Variants in FRAS1 observed in about 807,000 individuals in gnomAD.
The protein encoded by FRAS1 is extracellular matrix organizing protein FRAS1.
Under a neutral mutation model 435.2 loss-of-function variants are expected in FRAS1, and 290 were observed. That is an observed-to-expected ratio of 0.67 (90% CI 0.61 to 0.73). The LOEUF (loss-of-function observed/expected upper bound fraction) is 0.73. FRAS1 is among the 30% of genes least tolerant of loss of function. The pLI, the probability that FRAS1 is intolerant of heterozygous loss-of-function variation, is 0.00. For missense variants in FRAS1, 4,860 were observed against 5,001.5 expected, an observed-to-expected ratio of 0.97 and a Z score of 0.85; for synonymous variants, 1,800 against 1,851.0, an observed-to-expected ratio of 0.97 and a Z score of 0.71.
intron 27 of FRAS1, among the ~76,000 whole-genome samples, chr4:78,381,035 A>T (rs1731993446): frequency 6.6e-6 from 1 of 152,120 alleles, no homozygotes. Context: ...AGGCCTTGAG[A>T]GTATAGGTTA....
In FRAS1 at chr4:78,481,812, A is replaced by G. The variant is rs765588567; in HGVS notation, c.8452A>G (p.Lys2818Glu). The G allele has an allele frequency of 5.6e-6, 9 of 1,613,872 alleles. 1 individual carries two copies. In the Middle Eastern group the frequency reaches 8.3e-4, roughly 148 times the overall value. Residue 2818 changes from lysine to glutamate, a missense_variant, in exon 57 of 74, where the codon AAG (lysine) becomes GAG (glutamate). Coordinates refer to ENST00000512123, the MANE Select transcript of FRAS1 (RefSeq NM_025074.7). ...FTVSEDAGTV[K>E]IPVIRHGTDL... ...TATGAATCTTAATTCAGGCACAGTA[A>G]AGATTCCAGTTATCCGCCATGGTAC...
intron 2 of FRAS1, among the ~76,000 whole-genome samples, chr4:78,073,118 T>C (rs944997027): frequency 3.3e-5 from 5 of 152,162 alleles, no homozygotes; most frequent in South Asian, 2.1e-4. Flanking sequence ...GTAGTGAGAA[T>C]TGGGCTCTAG....
At chr4:78,380,670 T>C (rs1731979176) in intron 27 of FRAS1, among the ~76,000 whole-genome samples, 1 of 152,242 alleles carries the variant, frequency 6.6e-6, no homozygotes, top group South Asian at 2.1e-4. Flanking sequence ...TCTTGGATTA[T>C]CCTTCATCCT....
At chr4:78,114,119 G>T (rs566941108) in intron 2 of FRAS1, among the ~76,000 whole-genome samples, 1 of 152,248 alleles carries the variant, frequency 6.6e-6, no homozygotes, top group Non-Finnish European at 1.5e-5. Context: ...TCTCAGGTTT[G>T]TCAAAGATCA....
chr4:78,286,212 C>G, intron 13 of FRAS1, 193 bp from the exon 14 acceptor site: 1 of 708,426 alleles, frequency 1.4e-6, no homozygotes, highest in Non-Finnish European at 2.6e-6. Context: ...AATTCATATA[C>G]GTAAAGCACT....
In FRAS1 at chr4:78,508,775, G is replaced by A. The variant is rs756169582; in HGVS notation, c.9549G>A (p.Lys3183=). ...ADYDHVEEVT[K]EGVKKSPSPG... Reference sequence around the variant, plus strand: ...ATGACCATGTGGAAGAAGTTACCAAGGAAGGAGTCAAGAAATCCCCCTCCC... The same window carrying A: ...ATGACCATGTGGAAGAAGTTACCAAAGAAGGAGTCAAGAAATCCCCCTCCC... Residue 3183 remains lysine, a synonymous_variant, in exon 63 of 74, where the codon AAG becomes AAA. Transcript: ENST00000512123. 3.7e-6 allele frequency: 6 copies of A among 1,613,758 alleles called. No homozygotes were observed. The highest frequency in any genetic ancestry group is 5.1e-6 in the Non-Finnish European group (6 of 1,179,814).
At chr4:78,387,790 G>T in intron 29 of FRAS1, 89 bp downstream of exon 29, 1 of 863,590 alleles carries the variant, frequency 1.2e-6, no homozygotes. Context: ...ACAAAGTTAA[G>T]ATATGGGTAG....
intron 31 of FRAS1, among the ~76,000 whole-genome samples, chr4:78,408,315 C>G (rs1733185389): frequency 6.6e-6 from 1 of 152,046 alleles, no homozygotes; most frequent in African/African-American, 2.4e-5. Context: ...GATTCCATAT[C>G]AGTGGAATTC....
At chr4:78,114,273 G>A (rs1352190706) in intron 2 of FRAS1, among the ~76,000 whole-genome samples, 2 of 152,240 alleles carry the variant, frequency 1.3e-5, no homozygotes, top group Middle Eastern at 3.4e-3. Flanking sequence ...GATGCCTCCA[G>A]CTTTGTTCTT....
chr4:78,059,250 C>T (rs1247096826), intron 1 of FRAS1, among the ~76,000 whole-genome samples: 1 of 152,108 alleles, frequency 6.6e-6, no homozygotes, highest in Admixed American at 6.5e-5. Flanking sequence ...AGCTCTGCCT[C>T]GGGTCGACCT....
At position 78,471,232 on chromosome 4, in the gene FRAS1, A is replaced by G. The variant is rs147036579; in HGVS notation, c.7372-948A>G. On this transcript the variant is annotated intron_variant, in intron 51 of 73. Transcript: ENST00000512123. ...CATCCCCACCCAAACATAGTTCTTC[A>G]GTTGAGAACTGGTTTCTTGCATTTG... Among the ~76,000 whole-genome samples, 1,060 of 152,310 alleles carry G rather than the reference A, an allele frequency of 7.0e-3. 5 individuals are homozygous for G. The highest frequency in any genetic ancestry group is 0.011 in the Non-Finnish European group (734 of 68,034).
At chr4:78,452,073 G>C in intron 46 of FRAS1, 102 bp from the exon 47 acceptor site, 1 of 1,330,844 alleles carries the variant, frequency 7.5e-7, no homozygotes, top group Non-Finnish European at 1.1e-6. Flanking sequence ...TAACACACAG[G>C]CCTAGAGATG....
Position 78,479,515 on chromosome 4 carries a change from G to A in FRAS1, c.8240G>A (p.Gly2747Asp). 1 of 1,613,866 alleles carries A rather than the reference G, an allele frequency of 6.2e-7. No homozygotes were observed. Among genetic ancestry groups the A allele is most frequent in the East Asian group, 2.2e-5 (1 of 44,868 alleles). ...SAASRVIFGP[G>D]VTMSTCDVML... ...GCGAGTCGTGTGATATTCGGGCCTG[G>A]TGTGACCATGTCCACCTGTGATGTC... The change falls in exon 56 of 74, where the codon GGT (glycine) becomes GAT (aspartate). Residue 2747 changes from glycine to aspartate, a missense_variant. Coordinates refer to ENST00000512123, the MANE Select transcript of FRAS1 (RefSeq NM_025074.7).
chr4:78,508,844 C>G lies in FRAS1; in HGVS notation c.9618C>G (p.Phe3206Leu). The G allele has an allele frequency of 1.2e-6, 2 of 1,613,808 alleles. No individual in the cohort carries two copies. Among genetic ancestry groups the G allele is most frequent in the Non-Finnish European group, 1.7e-6 (2 of 1,179,828 alleles). ...LVCVTPCDPH[F>L]PRYAVMKERC... ...GTGTCACCCCCTGCGACCCTCATTT[C>G]CCCAGATACGCTGTCATGAAGGAGC... Residue 3206 changes from phenylalanine (F) to leucine (L), a missense_variant, in exon 63 of 74, where the codon TTC becomes TTG. Coordinates refer to ENST00000512123, the MANE Select transcript of FRAS1 (RefSeq NM_025074.7).
intron 2 of FRAS1, among the ~76,000 whole-genome samples, chr4:78,067,637 G>A (rs559188321): frequency 2.5e-4 from 36 of 145,694 alleles, no homozygotes; most frequent in Middle Eastern, 3.3e-3. Context: ...CCAAGGCTCT[G>A]CTACATTTGT....
intron 2 of FRAS1, among the ~76,000 whole-genome samples, chr4:78,067,671 T>TA (rs1740105910): frequency 1.9e-5 from 2 of 105,434 alleles, no homozygotes; most frequent in East Asian, 2.7e-4. Context: ...TTTTTCTTTC[T>TA]TTTATTATTA....
chr4:78,508,968 A>G lies in FRAS1; in HGVS notation c.9742A>G (p.Ile3248Val). Residue 3248 changes from isoleucine to valine, a missense_variant, in exon 63 of 74, where the codon ATC becomes GTC. Transcript: ENST00000512123. ...GNGARSPFET[I>V]TDNTPFTSVN... ...TGGGGCCCGGTCTCCCTTTGAAACC[A>G]TCACTGACAACACACCATTCACCAG... The G allele has an allele frequency of 1.2e-6, 2 of 1,613,988 alleles. No homozygotes were observed. Among genetic ancestry groups the G allele is most frequent in the South Asian group, 1.1e-5 (1 of 91,082 alleles).
intron 2 of FRAS1, among the ~76,000 whole-genome samples, chr4:78,150,413 C>A (rs1720598271): frequency 6.6e-6 from 1 of 152,174 alleles, no homozygotes; most frequent in African/African-American, 2.4e-5. Flanking sequence ...TTGGCATCTT[C>A]TCGGAACACA....
At chr4:78,506,800 T>C (rs1029902394) in intron 61 of FRAS1, among the ~76,000 whole-genome samples, 15 of 152,100 alleles carry the variant, frequency 9.9e-5, no homozygotes, top group African/African-American at 3.1e-4. Flanking sequence ...GGTACCTCAG[T>C]TGGAAATGGA....
Sources: allele counts gnomAD v4.1 joint callset (sites outside exome capture counted in the v4.1 genomes callset), GRCh38; gene constraint gnomAD v4.1.1; transcripts MANE v1.5; gene names NCBI Gene and HGNC (gene_info 2026-07-23, HGNC 2026-07-21).